The following FAM47E variants were observed in gnomAD, a reference collection of about 807,000 sequenced individuals.
The protein encoded by FAM47E is protein FAM47E.
A neutral mutation model predicts 41.6 loss-of-function variants in FAM47E; 32 were observed. The ratio of observed to expected loss-of-function variants is 0.77; its 90% CI spans 0.58 to 1.03. The LOEUF (loss-of-function observed/expected upper bound fraction) is 1.03, where lower values mean the gene tolerates loss of function less well. Ranked by LOEUF, FAM47E falls within the 50% of genes least tolerant of loss-of-function variation. The pLI, the probability that FAM47E is intolerant of heterozygous loss-of-function variation, is 0.00. For synonymous variants in FAM47E, 184 were observed against 188.7 expected (o/e 0.98, Z 0.20); for missense variants, 424 against 485.4 (o/e 0.87, Z 1.19).
At chr4:76,234,078 A>G (rs998758283) in intron 2 of FAM47E, among the ~76,000 whole-genome samples, 3 of 152,220 alleles carry the variant, frequency 2.0e-5, no homozygotes, top group Non-Finnish European at 4.4e-5. Context: ...AGAAAACACC[A>G]GCCAGCTGCC....
At chr4:76,282,252 C>G (rs1735385550) in intron 7 of FAM47E, 1 of 152,130 alleles carries the variant, frequency 6.6e-6, no homozygotes, top group East Asian at 1.9e-4. Flanking sequence ...GGAGGTGAAG[C>G]TAGACAACCA....
intron 2 of FAM47E, among the ~76,000 whole-genome samples, chr4:76,232,263 A>C (rs773407903): frequency 3.9e-5 from 6 of 152,238 alleles, no homozygotes; most frequent in Non-Finnish European, 1.5e-5. Flanking sequence ...CAGTCCATTT[A>C]GTTAATTCTT....
At position 76,283,517 on chromosome 4, in the gene FAM47E, G is replaced by C; in HGVS notation, c.*59G>C. ...TTACTACGTACTTGGCTATTTCTCT[G>C]TCTCCTTTTAAAGATTAAACAGAGT... On this transcript the variant is annotated 3_prime_UTR_variant, in exon 8 of 8. Coordinates refer to ENST00000424749, the MANE Select transcript of FAM47E (RefSeq NM_001136570.3). 1.9e-6 allele frequency: 2 copies of C among 1,046,512 alleles called. No individual in the cohort carries two copies. Among genetic ancestry groups the C allele is most frequent in the South Asian group, 2.8e-5 (2 of 71,912 alleles). The allele number at this position is 1,046,512 out of a possible 1,614,324, so 64.8% of individuals were successfully genotyped here.
At chr4:76,247,968 G>A (rs1733866429), upstream of FAM47E, among the ~76,000 whole-genome samples, 1 of 137,050 alleles carries the variant, frequency 7.3e-6, no homozygotes, top group Non-Finnish European at 1.5e-5. Context: ...AGGCTGGAGT[G>A]CAGTGGCGCA....
At chr4:76,248,990 A>G (rs1329568878), upstream of FAM47E, among the ~76,000 whole-genome samples, 1 of 152,188 alleles carries the variant, frequency 6.6e-6, no homozygotes, top group Non-Finnish European at 1.5e-5. Context: ...ACACTATTAT[A>G]TATTCCAGAA....
At chr4:76,281,901 A>G (rs982333476) in intron 7 of FAM47E, 10 of 152,214 alleles carry the variant, frequency 6.6e-5, no homozygotes, top group African/African-American at 1.9e-4. Context: ...TTCTGGTCCC[A>G]CGGTGCCAAC....
intron 2 of FAM47E, among the ~76,000 whole-genome samples, chr4:76,240,313 C>T (rs771845671): frequency 9.9e-5 from 15 of 152,136 alleles, no homozygotes; most frequent in Admixed American, 2.0e-4. Context: ...TTCTCTCTTG[C>T]GGCTTTCAAA....
rs144856678 is a variant in FAM47E, at chr4:76,222,251, G to A, written c.81+4563G>A. On this transcript the variant is annotated intron_variant, in intron 2 of 7. Coordinates refer to the FAM47E transcript ENST00000510197. Reference sequence around the variant, plus strand: ...TCTTTTTTTTTTTTTTTCTGAGACCGAGTCTCACTCTGTTGCCCAGGCTGG... The same window carrying A: ...TCTTTTTTTTTTTTTTTCTGAGACCAAGTCTCACTCTGTTGCCCAGGCTGG... Among the ~76,000 whole-genome samples, 424 of 147,786 alleles carry A rather than the reference G, an allele frequency of 2.9e-3. 6 individuals are homozygous for A. Among genetic ancestry groups the A allele is most frequent in the African/African-American group, 9.9e-3 (395 of 39,854 alleles).
intron 1 of FAM47E, among the ~76,000 whole-genome samples, chr4:76,214,686 A>T (rs888883924): frequency 6.6e-6 from 1 of 152,146 alleles, no homozygotes; most frequent in Non-Finnish European, 1.5e-5. Context: ...CACAGCCAGG[A>T]CTCAAGAAGT....
intron 3 of FAM47E, chr4:76,267,782 A>T (rs1257890938): frequency 1.3e-5 from 2 of 152,266 alleles, no homozygotes; most frequent in African/African-American, 2.4e-5. Flanking sequence ...GAGAAGCCAG[A>T]CACAAAAGAC....
intron 7 of FAM47E, 25 bp from the exon 8 acceptor site, chr4:76,283,356 T>C (rs763894302): frequency 2.1e-6 from 3 of 1,447,302 alleles, no homozygotes; most frequent in African/African-American, 1.4e-5. Flanking sequence ...GCCAATCTAA[T>C]GAAGGTTCTC....
At chr4:76,229,864 A>C (rs34846125) in intron 2 of FAM47E, among the ~76,000 whole-genome samples, 22,805 of 152,232 alleles carry the variant, frequency 0.15, 2,038 homozygotes, top group East Asian at 0.35. Context: ...CCATCTGGTT[A>C]GCCATGATGT....
chr4:76,240,412 G>A (rs1329066428), intron 2 of FAM47E, among the ~76,000 whole-genome samples: 3 of 151,962 alleles, frequency 2.0e-5, no homozygotes, highest in African/African-American at 4.8e-5. Context: ...TGAGCTTTTT[G>A]GATATTTATA....
intron 2 of FAM47E, among the ~76,000 whole-genome samples, chr4:76,260,677 C>G (rs377579682): frequency 8.6e-5 from 13 of 151,948 alleles, no homozygotes; most frequent in African/African-American, 3.1e-4. Context: ...TGACTAAGAC[C>G]TCAAAAGCAA....
At chr4:76,272,895 A>G (rs1734951014) in intron 5 of FAM47E, among the ~76,000 whole-genome samples, 1 of 152,152 alleles carries the variant, frequency 6.6e-6, no homozygotes, top group Non-Finnish European at 1.5e-5. Context: ...CACATAATAT[A>G]TTTTCTCTTC....
At chr4:76,243,126 A>C (rs1310736136) in intron 2 of FAM47E, among the ~76,000 whole-genome samples, 2 of 152,224 alleles carry the variant, frequency 1.3e-5, no homozygotes, top group African/African-American at 4.8e-5. Context: ...GCATCTGGGA[A>C]GAGGGTCCTC....
intron 2 of FAM47E, among the ~76,000 whole-genome samples, chr4:76,219,441 C>T (rs1201624302): frequency 6.6e-6 from 1 of 152,212 alleles, no homozygotes; most frequent in East Asian, 1.9e-4. Flanking sequence ...GGTTTAAACT[C>T]ACTGTGGCAA....
chr4:76,224,241 A>G (rs774496210), intron 2 of FAM47E, among the ~76,000 whole-genome samples: 1 of 152,206 alleles, frequency 6.6e-6, no homozygotes, highest in Non-Finnish European at 1.5e-5. Context: ...TTCATCCGAA[A>G]TTCACGGGAT....
At chr4:76,247,041 C>T (rs114292070), upstream of FAM47E, among the ~76,000 whole-genome samples, 486 of 152,104 alleles carry the variant, frequency 3.2e-3, 3 homozygotes, top group African/African-American at 0.011. Flanking sequence ...CAATCATTAT[C>T]ACTATTTCAA....
Sources: allele counts gnomAD v4.1 joint callset (sites outside exome capture counted in the v4.1 genomes callset), GRCh38; gene constraint gnomAD v4.1.1; transcripts MANE v1.5; gene names NCBI Gene and HGNC (gene_info 2026-07-23, HGNC 2026-07-21).